Variants in LIMCH1 observed in about 807,000 individuals in gnomAD.
LIMCH1 encodes LIM and calponin homology domains-containing protein 1.
Under a neutral mutation model 176.5 loss-of-function variants are expected in LIMCH1, and 113 were observed. The observed-to-expected ratio is 0.64, with a 90% CI of 0.55 to 0.75. LIMCH1 has a LOEUF of 0.75. LIMCH1 is among the 30% of genes least tolerant of loss of function. The pLI, the probability that LIMCH1 is intolerant of heterozygous loss-of-function variation, is 0.00. For synonymous variants in LIMCH1, 619 were observed against 645.9 expected, an observed-to-expected ratio of 0.96 and a Z score of 0.63; for missense variants, 1,674 against 1,814.9, an observed-to-expected ratio of 0.92 and a Z score of 1.41.
intron 8 of LIMCH1, 77 bp from the exon 9 acceptor site, chr4:41,629,415 T>C: frequency 1.3e-6 from 2 of 1,483,436 alleles, no homozygotes; most frequent in Non-Finnish European, 1.8e-6. Context: ...GTTTCCATGC[T>C]TGACATTCTC....
chr4:41,657,735 G>T (rs1307578413), intron 18 of LIMCH1, among the ~76,000 whole-genome samples: 1 of 152,084 alleles, frequency 6.6e-6, no homozygotes, highest in Non-Finnish European at 1.5e-5. Flanking sequence ...CCATAAATAA[G>T]TGCATAATAT....
At chr4:41,635,988 C>T (rs2093568564) in intron 13 of LIMCH1, among the ~76,000 whole-genome samples, 1 of 152,172 alleles carries the variant, frequency 6.6e-6, no homozygotes, top group South Asian at 2.1e-4. Context: ...TTCACTGCAG[C>T]ATATCCCTTC....
At chr4:41,660,749 T>C (rs1049098139) in intron 18 of LIMCH1, among the ~76,000 whole-genome samples, 1 of 152,124 alleles carries the variant, frequency 6.6e-6, no homozygotes, top group Non-Finnish European at 1.5e-5. Context: ...ACACGGAGAA[T>C]GTAATGGTGA....
At chr4:41,579,934 C>T (rs985605510) in intron 1 of LIMCH1, among the ~76,000 whole-genome samples, 6 of 152,140 alleles carry the variant, frequency 3.9e-5, no homozygotes, top group Non-Finnish European at 8.8e-5. Context: ...TTTTTAAGGG[C>T]AGTATTTCAA....
At chr4:41,627,120 G>T in intron 8 of LIMCH1, 110 bp downstream of exon 8, 1 of 1,367,836 alleles carries the variant, frequency 7.3e-7, no homozygotes, top group Non-Finnish European at 9.6e-7. Flanking sequence ...ACCCCCTCCA[G>T]TTCCTCTTTC....
intron 3 of LIMCH1, among the ~76,000 whole-genome samples, chr4:41,525,270 G>A (rs2076522869): frequency 6.6e-6 from 1 of 152,214 alleles, no homozygotes. Flanking sequence ...ACAGAGCAGA[G>A]GAAGTATGTA....
At position 41,565,380 on chromosome 4, in the gene LIMCH1, CACAT is replaced by C. The variant is rs1490755357; in HGVS notation, c.-241+27034_-241+27037del. Among the ~76,000 whole-genome samples, 569 of 141,598 alleles carry C rather than the reference CACAT, an allele frequency of 4.0e-3. 7 individuals are homozygous for C. Among genetic ancestry groups the C allele is most frequent in the African/African-American group, 0.014 (483 of 33,374 alleles). The allele number at this position is 141,598 out of a possible 152,430, so 92.9% of individuals were successfully genotyped here. ...ACACACACACACACACACACACACACACATACACACACACACAGACACACACACA... is the reference window on the plus strand; with the variant it reads ...ACACACACACACACACACACACACACACACACACACACAGACACACACACA... On this transcript the variant is annotated intron_variant, in intron 1 of 31. Transcript: ENST00000503057.
At chr4:41,418,921 A>G (rs1432812451) in intron 1 of LIMCH1, 1 of 152,206 alleles carries the variant, frequency 6.6e-6, no homozygotes, top group Admixed American at 6.5e-5. Context: ...TCCATAGGAT[A>G]TGAGTGTTAG....
At chr4:41,403,496 G>T (rs1213840639) in intron 1 of LIMCH1, among the ~76,000 whole-genome samples, 1 of 152,106 alleles carries the variant, frequency 6.6e-6, no homozygotes, top group Non-Finnish European at 1.5e-5. Flanking sequence ...CAGGAGAATC[G>T]CTTGAACCCA....
rs540997366 is a variant in LIMCH1, at chr4:41,564,830, C to G, written c.-241+26480C>G. Among the ~76,000 whole-genome samples the G allele has an allele frequency of 2.0e-5, 3 of 152,190 alleles. No homozygotes were observed. The South Asian group carries it at 6.2e-4, about 32-fold the overall frequency. On this transcript the variant is annotated intron_variant, in intron 1 of 31. Coordinates refer to ENST00000503057, the MANE Select transcript of LIMCH1 (RefSeq NM_001330672.2). The stretch of plus-strand genomic sequence containing the variant: ...GAGGAGGTTTTCCCTGTGTTGTTCT[C>G]GTGATGGTGAGTGAGTTGTCACGAG...
intron 4 of LIMCH1, among the ~76,000 whole-genome samples, chr4:41,609,893 G>A (rs1339809555): frequency 2.0e-5 from 3 of 152,190 alleles, no homozygotes; most frequent in African/African-American, 4.8e-5. Flanking sequence ...AATGAGATAT[G>A]GTGACTTGAT....
intron 28 of LIMCH1, 132 bp downstream of exon 28, chr4:41,685,962 A>C: frequency 2.6e-4 from 238 of 910,496 alleles, no homozygotes; most frequent in Non-Finnish European, 3.6e-4. Context: ...ATTAAATCTC[A>C]TTGACAAGGT....
At chr4:41,491,713 C>T (rs1335414446) in intron 1 of LIMCH1, among the ~76,000 whole-genome samples, 1 of 143,434 alleles carries the variant, frequency 7.0e-6, no homozygotes, top group Non-Finnish European at 1.5e-5. Context: ...CAGAGGTGCT[C>T]CTCACTTCCC....
At chr4:41,624,845 TC>T (rs544327665) in intron 7 of LIMCH1, among the ~76,000 whole-genome samples, 2 of 152,178 alleles carry the variant, frequency 1.3e-5, no homozygotes, top group Non-Finnish European at 2.9e-5. Flanking sequence ...GAGCTTTTCT[TC>T]CCCCTCACCT....
chr4:41,630,130 T>A (rs947287306), intron 9 of LIMCH1, among the ~76,000 whole-genome samples: 13 of 152,054 alleles, frequency 8.5e-5, no homozygotes, highest in South Asian at 2.1e-4. Context: ...TTAATTAATT[T>A]TTTTAAATAG....
At chr4:41,665,978 C>G (rs2094807596) in intron 20 of LIMCH1, among the ~76,000 whole-genome samples, 1 of 152,134 alleles carries the variant, frequency 6.6e-6, no homozygotes, top group South Asian at 2.1e-4. Flanking sequence ...CAAAAATTCC[C>G]TAAGGGCATC....
intron 31 of LIMCH1, 190 bp downstream of exon 31, chr4:41,692,574 T>A (rs1315618755): frequency 3.8e-6 from 2 of 525,360 alleles, no homozygotes; most frequent in Non-Finnish European, 3.4e-6. Context: ...ATTGCTACAA[T>A]GTGGACCAAT....
chr4:41,657,815 C>A (rs944849116), intron 18 of LIMCH1, among the ~76,000 whole-genome samples: 1 of 152,082 alleles, frequency 6.6e-6, no homozygotes, highest in African/African-American at 2.4e-5. Context: ...GAACAGAAAT[C>A]CCCGAGATGA....
intron 13 of LIMCH1, among the ~76,000 whole-genome samples, chr4:41,636,339 A>AT (rs2093588742): frequency 1.3e-5 from 1 of 76,796 alleles, no homozygotes; most frequent in Non-Finnish European, 2.7e-5. Flanking sequence ...TTGCTTTATT[A>AT]CTTTTTTTTT....
Sources: allele counts gnomAD v4.1 joint callset (sites outside exome capture counted in the v4.1 genomes callset), GRCh38; gene constraint gnomAD v4.1.1; transcripts MANE v1.5; gene names NCBI Gene and HGNC (gene_info 2026-07-23, HGNC 2026-07-21).